Variants in TF observed in about 807,000 individuals in gnomAD.
The protein encoded by TF is transferrin.
Under a neutral mutation model 82.4 loss-of-function variants are expected in TF, and 55 were observed. The observed-to-expected ratio is 0.67, with a 90% CI of 0.54 to 0.84. TF has a LOEUF of 0.84. TF is among the 40% of genes least tolerant of loss of function. The pLI, the probability that TF is intolerant of heterozygous loss-of-function variation, is 0.00. For missense variants in TF, 737 were observed against 868.4 expected (o/e 0.85, Z 1.90); for synonymous variants, 332 against 332.6 (o/e 1.00, Z 0.02).
chr3:133,723,065 G>GT, the TF span, among the ~76,000 whole-genome samples: 63,026 of 151,140 alleles, frequency 0.42, 14,117 homozygotes, highest in African/African-American at 0.58. Context: ...TTGGTTGACA[G>GT]TTTTTTTTTC....
chr3:133,689,834 A>T, the TF span, among the ~76,000 whole-genome samples: 1 of 152,210 alleles, frequency 6.6e-6, no homozygotes, highest in African/African-American at 2.4e-5. Flanking sequence ...TTTAGGTAAG[A>T]TACAAGTAGA....
intron 2 of TF, among the ~76,000 whole-genome samples, chr3:133,750,778 A>AT (rs1333152853): frequency 2.0e-5 from 3 of 151,838 alleles, no homozygotes; most frequent in Non-Finnish European, 4.4e-5. Context: ...ATTTTTTAAA[A>AT]AATATATATA....
chr3:133,735,851 G>A, the TF span, among the ~76,000 whole-genome samples: 1 of 152,304 alleles, frequency 6.6e-6, no homozygotes, highest in South Asian at 2.1e-4. Flanking sequence ...GAAAGTGACA[G>A]GGAGAATGGA....
At chr3:133,764,105 C>T in intron 9 of TF, 77 bp from the exon 10 acceptor site, 1 of 1,333,210 alleles carries the variant, frequency 7.5e-7, no homozygotes, top group East Asian at 2.3e-5. Flanking sequence ...AAGGCTGCTT[C>T]AAGGAAACAG....
At chr3:133,698,416 C>A in the TF span, among the ~76,000 whole-genome samples, 13 of 152,192 alleles carry the variant, frequency 8.5e-5, no homozygotes, top group Non-Finnish European at 1.2e-4. Flanking sequence ...ACATAAATAT[C>A]TTGTCTGGTA....
At chr3:133,776,429 T>G (rs564525717) in intron 15 of TF, among the ~76,000 whole-genome samples, 1 of 152,334 alleles carries the variant, frequency 6.6e-6, no homozygotes, top group Non-Finnish European at 1.5e-5. Context: ...TGATTCACCA[T>G]TACCTTTTTT....
At chr3:133,732,756 C>T in the TF span, among the ~76,000 whole-genome samples, 1 of 152,184 alleles carries the variant, frequency 6.6e-6, no homozygotes, top group Non-Finnish European at 1.5e-5. Flanking sequence ...AACTGTAACA[C>T]TCGCTGCAAG....
chr3:133,723,888 G>A, the TF span, among the ~76,000 whole-genome samples: 3 of 151,246 alleles, frequency 2.0e-5, no homozygotes, highest in Non-Finnish European at 4.4e-5. Context: ...TCCCATCTAT[G>A]AGTGAGAACA....
the TF span, among the ~76,000 whole-genome samples, chr3:133,720,842 G>C: frequency 2.6e-5 from 4 of 151,954 alleles, no homozygotes; most frequent in African/African-American, 2.4e-5. Context: ...AATGTGTCCA[G>C]TAATTTACCT....
rs1934828054 is a variant in TF at position 133,791,443 on chromosome 3, A to G, written c.*12823A>G. 1 of 152,188 alleles carries G rather than the reference A, an allele frequency of 6.6e-6. No homozygotes were observed. Among genetic ancestry groups the G allele is most frequent in the Non-Finnish European group, 1.5e-5 (1 of 68,028 alleles). The allele number at this position is 152,188 out of a possible 1,614,324, so 9.4% of individuals were successfully genotyped here. ...AAACCTGGCATACTGGCAAAAGGGTAAGAATTTCTTACCAGCCAGACTCTG... is the reference window on the plus strand; with the variant it reads ...AAACCTGGCATACTGGCAAAAGGGTGAGAATTTCTTACCAGCCAGACTCTG... On this transcript the variant is annotated 3_prime_UTR_variant, in exon 17 of 17. Coordinates refer to ENST00000402696, the MANE Select transcript of TF (RefSeq NM_001063.4).
the TF span, among the ~76,000 whole-genome samples, chr3:133,682,499 T>C: frequency 5.1e-4 from 78 of 152,226 alleles, no homozygotes; most frequent in Middle Eastern, 3.4e-3. Context: ...ATAAACAGCA[T>C]AGAGAAGACC....
At chr3:133,770,623 G>A in intron 14 of TF, 51 bp downstream of exon 14, 1 of 1,577,600 alleles carries the variant, frequency 6.3e-7, no homozygotes, top group Non-Finnish European at 8.7e-7. Flanking sequence ...CCTGGTCACT[G>A]GTATTCACTT....
chr3:133,729,464 G>T, the TF span, among the ~76,000 whole-genome samples: 1,010 of 152,344 alleles, frequency 6.6e-3, 21 homozygotes, highest in Admixed American at 0.043. Flanking sequence ...CTCTGAGCCA[G>T]GTGTGGGATA....
chr3:133,725,107 T>C, the TF span, among the ~76,000 whole-genome samples: 1 of 152,218 alleles, frequency 6.6e-6, no homozygotes, highest in Admixed American at 6.5e-5. Flanking sequence ...CCAGCTTTGT[T>C]CTTTTGGCTT....
the TF span, among the ~76,000 whole-genome samples, chr3:133,703,354 G>A: frequency 1.1e-4 from 16 of 152,168 alleles, no homozygotes; most frequent in Non-Finnish European, 1.5e-4. Flanking sequence ...TGAGGGAAAC[G>A]TGCTTTAGGG....
chr3:133,666,377 T>C, the TF span, among the ~76,000 whole-genome samples: 1 of 152,144 alleles, frequency 6.6e-6, no homozygotes, highest in African/African-American at 2.4e-5. Context: ...TTCACCATAT[T>C]GGCCAGGCTG....
At chr3:133,686,586 A>G in the TF span, among the ~76,000 whole-genome samples, 5 of 152,258 alleles carry the variant, frequency 3.3e-5, no homozygotes, top group African/African-American at 1.2e-4. Flanking sequence ...CAGCCAACAG[A>G]CACATGAAAA....
At position 133,756,328 on chromosome 3, in the gene TF, A is replaced by G. The variant is rs1933829235; in HGVS notation, c.682A>G (p.Thr228Ala). 6.2e-7 allele frequency: 1 copy of G among 1,614,082 alleles called. No homozygotes were observed. The highest frequency in any genetic ancestry group is 1.3e-5 in the African/African-American group (1 of 75,030). The change falls in exon 6 of 17, where the codon ACT becomes GCT. Residue 228 changes from threonine to alanine, a missense_variant. Physicochemically the swap from Thr to Ala is moderately conservative, Grantham distance 58 (BLOSUM62 0). Coordinates refer to ENST00000402696, the MANE Select transcript of TF (RefSeq NM_001063.4). ...GGATGTGGCCTTTGTCAAGCACTCGACTATATTTGGTAAGAATGGGACAAG... is the reference window on the plus strand; with the variant it reads ...GGATGTGGCCTTTGTCAAGCACTCGGCTATATTTGGTAAGAATGGGACAAG... ...AGDVAFVKHSTIFENLANKAD... is the reference protein window; with the variant it reads ...AGDVAFVKHSAIFENLANKAD...
chr3:133,723,635 CTTT>C, the TF span, among the ~76,000 whole-genome samples: 668 of 77,384 alleles, frequency 8.6e-3, 1 homozygote, highest in African/African-American at 0.029. Context: ...CTGTTTGGTT[CTTT>C]TATTATTATT....
Sources: gnomAD v4.1 joint callset for allele counts (sites outside exome capture counted in the v4.1 genomes callset) on GRCh38, gnomAD v4.1.1 for gene constraint, MANE v1.5 for transcripts, NCBI Gene and HGNC (gene_info 2026-07-23, HGNC 2026-07-21) for gene names.